IGFBP4: variants seen among roughly 807,000 people sequenced by gnomAD.
IGFBP4 encodes the protein insulin-like growth factor-binding protein 4.
A neutral mutation model predicts 25.8 loss-of-function variants in IGFBP4; 9 were observed. The observed-to-expected ratio is 0.35, with a 90% CI of 0.21 to 0.61. The LOEUF (loss-of-function observed/expected upper bound fraction) is 0.61, where lower values mean the gene tolerates loss of function less well. Among genes scored for constraint, IGFBP4 ranks in the 20% least tolerant of loss-of-function variants. The probability of loss-of-function intolerance (pLI) is 0.77; values close to 1 mark genes in which losing one functional copy is unlikely to be tolerated. For synonymous variants in IGFBP4, 153 were observed against 153.9 expected, an observed-to-expected ratio of 0.99 and a Z score of 0.05; for missense variants, 315 against 365.3, an observed-to-expected ratio of 0.86 and a Z score of 1.12.
In IGFBP4 at chr17:40,453,195, T is replaced by C. The variant is rs943816654; in HGVS notation, c.507+53T>C. ...ATGTGCATAGACACACACACACACATGCCCCCTGCCCCCCACATGCACGCA... is the reference window on the plus strand; with the variant it reads ...ATGTGCATAGACACACACACACACACGCCCCCTGCCCCCCACATGCACGCA... On this transcript the variant is annotated intron_variant, in intron 2 of 3. Coordinates refer to ENST00000269593, the MANE Select transcript of IGFBP4 (RefSeq NM_001552.3). This position sits in a 1 kb window ranked among gnomAD's most constrained non-coding sequence, Gnocchi z 4.0. 232 of 583,182 alleles carry C rather than the reference T, an allele frequency of 4.0e-4. No individual in the cohort carries two copies. The highest frequency in any genetic ancestry group is 5.6e-4 in the Non-Finnish European group (220 of 393,028). The allele number at this position is 583,182 out of a possible 1,614,324, so 36.1% of individuals were successfully genotyped here.
chr17:40,449,776 G>A (rs1164954617), intron 1 of IGFBP4, among the ~76,000 whole-genome samples: 1 of 151,354 alleles, frequency 6.6e-6, no homozygotes, highest in Non-Finnish European at 1.5e-5. Flanking sequence ...GAGAGAGAGA[G>A]AAAAAGAAAC....
chr17:40,453,963 G>A lies in IGFBP4; in HGVS notation c.543G>A (p.Ala181=), dbSNP rs375454476. Residue 181 remains alanine (A), a synonymous_variant, in exon 3 of 4, where the codon GCG becomes GCA. Coordinates refer to ENST00000269593, the MANE Select transcript of IGFBP4 (RefSeq NM_001552.3). This position sits in a 1 kb window ranked among gnomAD's most constrained non-coding sequence, Gnocchi z 4.0. The stretch of plus-strand genomic sequence containing the variant: ...CCTGCCAGAGCGAGCTGCACCGGGC[G>A]CTGGAGCGGCTGGCCGCTTCACAGA... ...QGSCQSELHR[A]LERLAASQSR... 1.1e-5 allele frequency: 17 copies of A among 1,612,192 alleles called. No homozygotes were observed. The highest frequency in any genetic ancestry group is 4.4e-5 in the South Asian group (4 of 90,714).
At chr17:40,452,012 A>AT (rs986279029) in intron 1 of IGFBP4, among the ~76,000 whole-genome samples, 5 of 151,808 alleles carry the variant, frequency 3.3e-5, no homozygotes, top group African/African-American at 7.3e-5. Flanking sequence ...TAATTTTTAA[A>AT]TTTTTTGTGA....
chr17:40,450,531 T>TTTTTTG (rs999762050), intron 1 of IGFBP4, among the ~76,000 whole-genome samples: 3 of 152,136 alleles, frequency 2.0e-5, no homozygotes, highest in African/African-American at 4.8e-5. Context: ...TTTTTTTTGT[T>TTTTTTG]TTTTTGTTTT....
intron 1 of IGFBP4, among the ~76,000 whole-genome samples, 158 bp from the exon 2 acceptor site, chr17:40,452,827 G>T (rs2035691999): frequency 6.6e-6 from 1 of 151,994 alleles, no homozygotes; most frequent in Non-Finnish European, 1.5e-5. Flanking sequence ...AGGAGGTAGG[G>T]GGCTGCTCTT....
rs1406315556 is a variant in IGFBP4 at position 40,453,014 on chromosome 17, A to G, written c.379A>G (p.Ser127Gly). The change falls in exon 2 of 4, where the codon AGC becomes GGC. Residue 127 changes from serine (S) to glycine (G), a missense_variant. Ser to Gly is a moderately conservative substitution (Grantham distance 56). Transcript: ENST00000269593. The surrounding 1 kb of genome is among the most constrained non-coding windows in gnomAD (Gnocchi z 4.0). Reference protein sequence around the residue: ...DKDEGDHPNNSFSPCSAHDRR... With the variant: ...DKDEGDHPNNGFSPCSAHDRR... ...GGACGAGGGTGACCACCCCAACAACAGCTTCAGCCCCTGTAGCGCCCATGA... is the reference window on the plus strand; with the variant it reads ...GGACGAGGGTGACCACCCCAACAACGGCTTCAGCCCCTGTAGCGCCCATGA... 1 of 1,569,164 alleles carries G rather than the reference A, an allele frequency of 6.4e-7. No homozygotes were observed. Among genetic ancestry groups the G allele is most frequent in the Non-Finnish European group, 8.7e-7 (1 of 1,155,986 alleles).
At chr17:40,454,223 T>C (rs2035702854) in intron 3 of IGFBP4, among the ~76,000 whole-genome samples, 161 bp downstream of exon 3, 1 of 152,140 alleles carries the variant, frequency 6.6e-6, no homozygotes, top group Non-Finnish European at 1.5e-5. Flanking sequence ...CGTCAGAACC[T>C]CACTCATTTT....
rs747517061 is a variant in IGFBP4 at position 40,454,036 on chromosome 17, C to A, written c.616C>A (p.Arg206Ser). Residue 206 changes from arginine to serine, a missense_variant, in exon 3 of 4, where the codon CGC becomes AGC. Transcript: ENST00000269593. ...CATCATCCCCATCCCCAACTGCGAC[C>A]GCAACGGCAACTTCCACCCCAAGCA... ...LYIIPIPNCD[R>S]NGNFHPKQCH... is the part of the protein sequence containing the mutation. The A allele has an allele frequency of 1.9e-6, 3 of 1,612,434 alleles. No homozygotes were observed. The highest frequency in any genetic ancestry group is 1.7e-5 in the Admixed American group (1 of 59,776).
chr17:40,455,984 A>G (rs545885545), intron 3 of IGFBP4, among the ~76,000 whole-genome samples: 2 of 152,114 alleles, frequency 1.3e-5, no homozygotes, highest in East Asian at 1.9e-4. Context: ...CTTTATCCCA[A>G]TTGTGTTTTT....
chr17:40,449,592 CA>C (rs1195811476), intron 1 of IGFBP4, among the ~76,000 whole-genome samples: 1 of 152,020 alleles, frequency 6.6e-6, no homozygotes, highest in East Asian at 1.9e-4. Flanking sequence ...ACTAAAAATA[CA>C]AAAAAATTAG....
chr17:40,447,573 G>T (rs1489291550), intron 1 of IGFBP4, among the ~76,000 whole-genome samples: 1 of 152,194 alleles, frequency 6.6e-6, no homozygotes, highest in African/African-American at 2.4e-5. Context: ...CTTGTGGGGA[G>T]GGGGAGGGAG....
In IGFBP4 at chr17:40,453,037, T is replaced by C; in HGVS notation, c.402T>C (p.His134=). ...ACAGCTTCAGCCCCTGTAGCGCCCA[T>C]GACCGCAGGTGCCTGCAGAAGCACT... ...PNNSFSPCSA[H]DRRCLQKHFA... Residue 134 remains histidine, a synonymous_variant, in exon 2 of 4, where the codon CAT becomes CAC. Transcript: ENST00000269593. This position sits in a 1 kb window ranked among gnomAD's most constrained non-coding sequence, Gnocchi z 4.0. 1 of 1,595,122 alleles carries C rather than the reference T, an allele frequency of 6.3e-7. No individual in the cohort carries two copies. Among genetic ancestry groups the C allele is most frequent in the Non-Finnish European group, 8.5e-7 (1 of 1,170,372 alleles).
At chr17:40,452,037 C>T (rs1038999948) in intron 1 of IGFBP4, among the ~76,000 whole-genome samples, 2 of 152,062 alleles carry the variant, frequency 1.3e-5, no homozygotes, top group Non-Finnish European at 1.5e-5. Flanking sequence ...GGGGTCTTGC[C>T]ATGTTGCCTA....
chr17:40,445,084 C>T (rs576630163), intron 1 of IGFBP4, among the ~76,000 whole-genome samples: 13 of 152,130 alleles, frequency 8.5e-5, no homozygotes, highest in South Asian at 4.1e-4. Context: ...CTTTCTCTTG[C>T]TCTTTTGTTC....
Position 40,444,952 on chromosome 17 carries a change from G to C in IGFBP4, c.349+868G>C, listed in dbSNP as rs995080032. On this transcript the variant is annotated intron_variant, in intron 1 of 3. Coordinates refer to ENST00000269593, the MANE Select transcript of IGFBP4 (RefSeq NM_001552.3). ...AGAGACAGAGAGAGAGAGAGAGAGAGAGAGAGAGAGAGAGAGAGAGAGAGA... is the reference window on the plus strand; with the variant it reads ...AGAGACAGAGAGAGAGAGAGAGAGACAGAGAGAGAGAGAGAGAGAGAGAGA... Among the ~76,000 whole-genome samples the C allele has an allele frequency of 4.8e-3, 704 of 148,152 alleles. 7 individuals are homozygous for C. The highest frequency in any genetic ancestry group is 0.018 in the South Asian group (81 of 4,520).
At position 40,443,891 on chromosome 17, in the gene IGFBP4, C is replaced by A; in HGVS notation, c.156C>A (p.Gly52=). The change falls in exon 1 of 4, where the codon GGC becomes GGA. Residue 52 remains glycine (G), a synonymous_variant. Transcript: ENST00000269593. ...GCGAGGAGCTGGTGCGAGAGCCGGG[C>A]TGCGGCTGTTGCGCCACTTGCGCCC... is the stretch of plus-strand genomic sequence containing the variant. ...VGCEELVREP[G]CGCCATCALG... is the part of the protein sequence containing the mutation. 12 of 1,530,266 alleles carry A rather than the reference C, an allele frequency of 7.8e-6. No individual in the cohort carries two copies. Among genetic ancestry groups the A allele is most frequent in the Non-Finnish European group, 1.0e-5 (12 of 1,144,166 alleles). The allele number at this position is 1,530,266 out of a possible 1,614,324, so 94.8% of individuals were successfully genotyped here. A position where few individuals can be genotyped will look rare whatever the true frequency, so the allele number is the denominator to read the frequency against.
chr17:40,446,770 A>C (rs1033685659), intron 1 of IGFBP4, among the ~76,000 whole-genome samples: 2 of 152,190 alleles, frequency 1.3e-5, no homozygotes, highest in South Asian at 4.2e-4. Flanking sequence ...CAATGGATGC[A>C]GGTATCTGGA....
Position 40,443,583 on chromosome 17 carries a change from C to T in IGFBP4, c.-153C>T. The T allele has an allele frequency of 5.0e-6, 1 of 199,778 alleles. No individual in the cohort carries two copies. Among genetic ancestry groups the T allele is most frequent in the South Asian group, 1.6e-4 (1 of 6,254 alleles). The allele number at this position is 199,778 out of a possible 1,614,324, so 12.4% of individuals were successfully genotyped here. On this transcript the variant is annotated 5_prime_UTR_variant, in exon 1 of 4. Coordinates refer to ENST00000269593, the MANE Select transcript of IGFBP4 (RefSeq NM_001552.3). The stretch of plus-strand genomic sequence containing the variant: ...ACTTCCCCCGCTACGTCCCCGTTCG[C>T]CCGCCGGGCCGCCCCGTCTCCCCGC...
intron 1 of IGFBP4, among the ~76,000 whole-genome samples, chr17:40,445,514 C>G (rs2035639734): frequency 6.6e-6 from 1 of 152,238 alleles, no homozygotes; most frequent in African/African-American, 2.4e-5. Context: ...CCGAGGAGAG[C>G]AGGATGCAGG....
Sources: gnomAD v4.1 joint callset for allele counts (sites outside exome capture counted in the v4.1 genomes callset) on GRCh38, gnomAD v4.1.1 for gene constraint, Gnocchi (gnomAD v3.1) non-coding constraint, MANE v1.5 for transcripts, NCBI Gene and HGNC (gene_info 2026-07-23, HGNC 2026-07-21) for gene names.